Variants in FOXP4 observed in about 807,000 individuals in gnomAD.
FOXP4 encodes forkhead box P4.
Under a neutral mutation model 82.6 loss-of-function variants are expected in FOXP4, and 25 were observed. The observed-to-expected ratio is 0.30, with a 90% CI of 0.22 to 0.42. The LOEUF is 0.42. Ranked by LOEUF, FOXP4 falls within the 10% of genes least tolerant of loss-of-function variation. The probability of loss-of-function intolerance (pLI) is 1.00; values close to 1 mark genes in which losing one functional copy is unlikely to be tolerated. For missense variants in FOXP4, 785 were observed against 900.9 expected, an observed-to-expected ratio of 0.87 and a Z score of 1.65; for synonymous variants, 415 against 388.2, an observed-to-expected ratio of 1.07 and a Z score of -0.81.
chr6:41,587,674 G>C, intron 7 of FOXP4, 119 bp from the exon 8 acceptor site: 3 of 914,260 alleles, frequency 3.3e-6, no homozygotes, highest in Non-Finnish European at 5.0e-6. Context: ...GTGCTTGGCC[G>C]CTGGGAAACC....
At chr6:41,563,933 G>T (rs1475157407) in intron 1 of FOXP4, among the ~76,000 whole-genome samples, 2 of 152,136 alleles carry the variant, frequency 1.3e-5, no homozygotes, top group African/African-American at 2.4e-5. Context: ...GGAAATTATG[G>T]TATCCACAGG....
At chr6:41,597,490 T>C (rs1375914072) in intron 15 of FOXP4, among the ~76,000 whole-genome samples, 1 of 152,116 alleles carries the variant, frequency 6.6e-6, no homozygotes, top group Non-Finnish European at 1.5e-5. Flanking sequence ...TCCCCTTTCC[T>C]GGTTTGTCAG....
intron 13 of FOXP4, 115 bp from the exon 14 acceptor site, chr6:41,594,755 C>A: frequency 1.3e-6 from 2 of 1,484,460 alleles, no homozygotes; most frequent in South Asian, 1.2e-5. Flanking sequence ...CCTGCTCATC[C>A]CTGAGCTGGG....
chr6:41,557,277 T>C (rs1055145339), intron 1 of FOXP4, among the ~76,000 whole-genome samples: 2 of 152,212 alleles, frequency 1.3e-5, no homozygotes, highest in African/African-American at 4.8e-5. Context: ...TCTTATGAGA[T>C]GTGACTGCTT....
At chr6:41,597,338 G>C in intron 15 of FOXP4, 96 bp downstream of exon 15, 3 of 1,329,198 alleles carry the variant, frequency 2.3e-6, no homozygotes, top group Non-Finnish European at 3.2e-6. Flanking sequence ...GGACTCACCA[G>C]AGGAGGGAAG....
chr6:41,585,219 G>C (rs1177637836), intron 4 of FOXP4, among the ~76,000 whole-genome samples: 1 of 152,132 alleles, frequency 6.6e-6, no homozygotes. Context: ...AAGCAGGGAG[G>C]GTTCAGAGCT....
At chr6:41,551,026 G>A (rs748263642) in intron 1 of FOXP4, among the ~76,000 whole-genome samples, 58 of 152,162 alleles carry the variant, frequency 3.8e-4, no homozygotes, top group African/African-American at 2.2e-4. Flanking sequence ...TCCCTTCAGC[G>A]TTGCCTCCCA....
intron 1 of FOXP4, among the ~76,000 whole-genome samples, chr6:41,550,275 T>C (rs4714478): frequency 0.07 from 10,579 of 152,212 alleles, 733 homozygotes; most frequent in East Asian, 0.18. Flanking sequence ...AAGTAGGTCA[T>C]AATACCCACC....
Position 41,587,408 on chromosome 6 carries a change from C to A in FOXP4, c.768C>A (p.Ala256=), listed in dbSNP as rs762700013. The A allele has an allele frequency of 3.8e-6, 6 of 1,588,228 alleles. No homozygotes were observed. The South Asian group carries it at 5.8e-5, about 15-fold the overall frequency. Residue 256 remains alanine, a synonymous_variant, in exon 7 of 17, where the codon GCC becomes GCA. Transcript: ENST00000307972. Reference sequence around the variant, plus strand: ...AGGGGCTGGACCTCACTGGCACGGCCGCCACCGCTACCTCGTTTGCCGCTC... The same window carrying A: ...AGGGGCTGGACCTCACTGGCACGGCAGCCACCGCTACCTCGTTTGCCGCTC... ...KQEGLDLTGT[A]ATATSFAAPP...
At chr6:41,563,479 G>A (rs1194387404) in intron 1 of FOXP4, among the ~76,000 whole-genome samples, 1 of 152,182 alleles carries the variant, frequency 6.6e-6, no homozygotes, top group Non-Finnish European at 1.5e-5. Context: ...TCGGGTCAGG[G>A]AGACCGTGTG....
At chr6:41,578,638 C>T (rs959233003) in intron 3 of FOXP4, among the ~76,000 whole-genome samples, 2 of 146,040 alleles carry the variant, frequency 1.4e-5, no homozygotes, top group Non-Finnish European at 3.0e-5. Context: ...ACAATCTGCC[C>T]TTTTTTCCCC....
At chr6:41,590,446 A>G in intron 12 of FOXP4, 99 bp downstream of exon 12, 3 of 1,296,634 alleles carry the variant, frequency 2.3e-6, no homozygotes, top group Non-Finnish European at 3.3e-6. Flanking sequence ...GGGGCCAAGC[A>G]ATGGAGCTGT....
intron 2 of FOXP4, among the ~76,000 whole-genome samples, chr6:41,569,483 T>C (rs1227338570): frequency 1.3e-5 from 2 of 152,246 alleles, no homozygotes; most frequent in African/African-American, 4.8e-5. Context: ...ATGTTCCCAG[T>C]GTGGGGATTT....
chr6:41,594,246 C>T (rs749091805), intron 13 of FOXP4, among the ~76,000 whole-genome samples: 20 of 152,220 alleles, frequency 1.3e-4, no homozygotes, highest in Non-Finnish European at 2.1e-4. Context: ...TCAACCCACA[C>T]TCTCCTCTCT....
At chr6:41,588,326 A>AT (rs1241794676) in intron 8 of FOXP4, among the ~76,000 whole-genome samples, 2 of 152,216 alleles carry the variant, frequency 1.3e-5, no homozygotes, top group Non-Finnish European at 2.9e-5. Flanking sequence ...TCACTGACTG[A>AT]TTAACTCCGC....
chr6:41,580,888 C>G (rs73733285), intron 3 of FOXP4, among the ~76,000 whole-genome samples: 24 of 152,372 alleles, frequency 1.6e-4, no homozygotes, highest in African/African-American at 5.8e-4. Context: ...GCCACGTTCA[C>G]CATCCCTCTC....
rs369994094 is a variant in FOXP4, at chr6:41,593,037, T to C, written c.1536+1715T>C. Reference sequence around the variant, plus strand: ...CTGCTGCCTCTGTGCCTGAGGCCACTGCCTGAGCCTTCCTCATGGCACAGC... The same window carrying C: ...CTGCTGCCTCTGTGCCTGAGGCCACCGCCTGAGCCTTCCTCATGGCACAGC... On this transcript the variant is annotated intron_variant, in intron 13 of 16. Transcript: ENST00000307972. The surrounding 1 kb of genome is among the most constrained non-coding windows in gnomAD (Gnocchi z 4.1). Among the ~76,000 whole-genome samples the C allele has an allele frequency of 4.0e-4, 61 of 152,326 alleles. 1 individual carries two copies. The highest frequency in any genetic ancestry group is 1.5e-3 in the African/African-American group (61 of 41,570).
At chr6:41,582,948 G>A (rs1765885131) in intron 3 of FOXP4, among the ~76,000 whole-genome samples, 1 of 152,140 alleles carries the variant, frequency 6.6e-6, no homozygotes, top group Non-Finnish European at 1.5e-5. Flanking sequence ...GCAGACCTCA[G>A]CTTACATCCC....
chr6:41,548,823 CCTTT>C (rs139693338), intron 1 of FOXP4, among the ~76,000 whole-genome samples: 6,686 of 109,128 alleles, frequency 0.061, 277 homozygotes, highest in East Asian at 0.16. Flanking sequence ...AGTCTGAAGG[CCTTT>C]TTTTTTTTTT....
Sources: gnomAD v4.1 joint callset for allele counts (sites outside exome capture counted in the v4.1 genomes callset) on GRCh38, gnomAD v4.1.1 for gene constraint, Gnocchi (gnomAD v3.1) non-coding constraint, MANE v1.5 for transcripts, NCBI Gene and HGNC (gene_info 2026-07-23, HGNC 2026-07-21) for gene names.